VCPKMT: variants seen among roughly 807,000 people sequenced by gnomAD.
The protein encoded by VCPKMT is valosin containing protein lysine methyltransferase, also known as protein N-lysine methyltransferase METTL21D.
A neutral mutation model predicts 28.6 loss-of-function variants in VCPKMT; 32 were observed. The observed-to-expected ratio is 1.12, with a 90% CI of 0.84 to 1.50. The LOEUF (loss-of-function observed/expected upper bound fraction) is 1.50, where lower values mean the gene tolerates loss of function less well. Among genes scored for constraint, VCPKMT ranks in the 40% most tolerant of loss-of-function variants. VCPKMT has a pLI of 0.00. For missense variants in VCPKMT, 366 were observed against 285.0 expected (o/e 1.28, Z -2.05); for synonymous variants, 138 against 111.4 (o/e 1.24, Z -1.50).
rs1034242806 is a variant in VCPKMT at position 50,111,481 on chromosome 14, T to C, written c.675+1134A>G. 6.0e-5 allele frequency: 59 copies of C among 985,278 alleles called. No homozygotes were observed. In the East Asian group the frequency reaches 1.6e-3, roughly 26 times the overall value. The allele number at this position is 985,278 out of a possible 1,614,324, so 61.0% of individuals were successfully genotyped here. On this transcript the variant is annotated intron_variant, in intron 5 of 5. Coordinates refer to ENST00000395860, the MANE Select transcript of VCPKMT (RefSeq NM_024558.3). Reference sequence around the variant, plus strand: ...ACAAACATAATCAAAGCAAAGATGATAGAAAAAGTGTGGGCTTATTGAATC... The same window carrying C: ...ACAAACATAATCAAAGCAAAGATGACAGAAAAAGTGTGGGCTTATTGAATC...
chr14:50,112,644 G>T lies in VCPKMT; in HGVS notation c.646C>A (p.His216Asn). ...TTTTTCTTTCTGATGTATATAATAT[G>T]AATATCTTCACTTCGATACTCTTCA... is the stretch of plus-strand genomic sequence containing the variant. The part of the protein sequence containing the change: ...HDEEYRSEDI[H>N]IIYIRKKKSK... Residue 216 changes from histidine (H) to asparagine (N), a missense_variant, in exon 5 of 6, where the codon CAT becomes AAT. His to Asn is a moderately conservative substitution (Grantham distance 68, BLOSUM62 1). Transcript: ENST00000395860. The T allele has an allele frequency of 6.4e-7, 1 of 1,565,190 alleles. No individual in the cohort carries two copies. The highest frequency in any genetic ancestry group is 8.7e-7 in the Non-Finnish European group (1 of 1,150,968).
downstream of VCPKMT, among the ~76,000 whole-genome samples, chr14:50,106,397 G>A (rs1882320514): frequency 6.6e-6 from 1 of 152,232 alleles, no homozygotes; most frequent in Admixed American, 6.5e-5. Context: ...CTTGGGATTT[G>A]GGAATTAGCT....
rs754698791 is a variant in VCPKMT at position 50,116,167 on chromosome 14, TACA to T, written c.276_278del (p.Val94del). On this transcript the variant is annotated inframe_deletion, in exon 2 of 6. Transcript: ENST00000395860. ...CTTGCAATTCCTCAAGATCGGTGACTACAACATCAGCCCTATAAAATAACGTCG... is the reference window on the plus strand; with the variant it reads ...CTTGCAATTCCTCAAGATCGGTGACTACATCAGCCCTATAAAATAACGTCG... The T allele has an allele frequency of 8.7e-6, 14 of 1,614,110 alleles. No individual in the cohort carries two copies. The highest frequency in any genetic ancestry group is 2.2e-5 in the South Asian group (2 of 91,068).
downstream of VCPKMT, among the ~76,000 whole-genome samples, chr14:50,107,359 G>A (rs1038601334): frequency 1.3e-5 from 2 of 151,742 alleles, no homozygotes; most frequent in Admixed American, 1.3e-4. Context: ...CTGTCACCCA[G>A]GCTGGAGTGC....
At chr14:50,116,262 A>C in intron 1 of VCPKMT, 25 bp downstream of exon 1, 1 of 1,606,310 alleles carries the variant, frequency 6.2e-7, no homozygotes, top group Non-Finnish European at 8.5e-7. Context: ...GCGCCCCCAC[A>C]TCCCGCCCGC....
downstream of VCPKMT, chr14:50,108,532 T>C: frequency 2.3e-6 from 2 of 877,956 alleles, no homozygotes; most frequent in Non-Finnish European, 2.7e-6. Flanking sequence ...AACTGATTTC[T>C]TGACTTGTAT....
At chr14:50,114,517 G>T in intron 3 of VCPKMT, 113 bp from the exon 4 acceptor site, 1 of 718,160 alleles carries the variant, frequency 1.4e-6, no homozygotes, top group Non-Finnish European at 2.1e-6. Context: ...ATCCATCTTT[G>T]AATCAATCCA....
downstream of VCPKMT, chr14:50,106,744 G>T: frequency 1.8e-6 from 1 of 561,230 alleles, no homozygotes; most frequent in Non-Finnish European, 2.3e-6. Flanking sequence ...TTGAGATAGG[G>T]TCTCACTGTC....
intron 5 of VCPKMT, 79 bp from the exon 6 acceptor site, chr14:50,109,792 C>G (rs1037144987): frequency 2.0e-6 from 3 of 1,478,254 alleles, no homozygotes; most frequent in African/African-American, 1.4e-5. Flanking sequence ...GCCTAATATG[C>G]CTCATAATGC....
At chr14:50,112,393 G>A (rs1882738107) in intron 5 of VCPKMT, among the ~76,000 whole-genome samples, 11 of 56,414 alleles carry the variant, frequency 1.9e-4, no homozygotes, top group Admixed American at 2.5e-4. Context: ...TAAAAAATAC[G>A]AGAAAAAAAA....
In VCPKMT at chr14:50,116,374, C is replaced by T. The variant is rs764082803; in HGVS notation, c.179G>A (p.Gly60Asp). 2 of 1,613,650 alleles carry T rather than the reference C, an allele frequency of 1.2e-6. No individual in the cohort carries two copies. Among genetic ancestry groups the T allele is most frequent in the Non-Finnish European group, 1.7e-6 (2 of 1,179,844 alleles). ...SKYLETPEFSGDGAHALSRRS... is the reference protein window; with the variant it reads ...SKYLETPEFSDDGAHALSRRS... ...CCGGCTCAGCGCGTGGGCCCCGTCG[C>T]CAGAAAACTCGGGCGTTTCCAGGTA... The change falls in exon 1 of 6, where the codon GGC (glycine) becomes GAC (aspartate). Residue 60 changes from glycine to aspartate, a missense_variant. Coordinates refer to ENST00000395860, the MANE Select transcript of VCPKMT (RefSeq NM_024558.3).
chr14:50,108,546 T>TA, downstream of VCPKMT: 1 of 918,272 alleles, frequency 1.1e-6, no homozygotes, highest in Non-Finnish European at 1.3e-6. Context: ...CTTGTATCCT[T>TA]AATGTCTCTA....
At chr14:50,106,118 GT>G, downstream of VCPKMT, among the ~76,000 whole-genome samples, 1 of 152,152 alleles carries the variant, frequency 6.6e-6, no homozygotes, top group East Asian at 1.9e-4. Flanking sequence ...TGTTGCAGTG[GT>G]TCTCAATTTA....
At chr14:50,112,072 T>C (rs1277250125) in intron 5 of VCPKMT, 1 of 985,030 alleles carries the variant, frequency 1.0e-6, no homozygotes, top group African/African-American at 1.7e-5. Flanking sequence ...ATCTGCCTTG[T>C]TGTATTTCAT....
chr14:50,103,626 G>T, the VCPKMT span, among the ~76,000 whole-genome samples: 5 of 152,132 alleles, frequency 3.3e-5, no homozygotes, highest in African/African-American at 1.2e-4. Context: ...TCGAATGCTC[G>T]TGGCAGTTGC....
chr14:50,112,720 C>A lies in VCPKMT; in HGVS notation c.571-1G>T. The stretch of plus-strand genomic sequence containing the variant: ...CAAAGTCAAAATCTAGCTGAAGGAG[C>A]TATAAATTTAAAAGAGACATACTTC... On this transcript the variant is annotated splice_acceptor_variant, in intron 4 of 5. Coordinates refer to ENST00000395860, the MANE Select transcript of VCPKMT (RefSeq NM_024558.3). LOFTEE classifies it high-confidence loss of function. 1 of 1,553,576 alleles carries A rather than the reference C, an allele frequency of 6.4e-7. No homozygotes were observed. Among genetic ancestry groups the A allele is most frequent in the Non-Finnish European group, 8.7e-7 (1 of 1,144,238 alleles).
downstream of VCPKMT, chr14:50,108,584 T>G (rs17122134): frequency 1.7e-3 from 1,718 of 985,348 alleles, 47 homozygotes; most frequent in East Asian, 0.08. Flanking sequence ...TCCTGTTAAC[T>G]GTTTAGATGT....
chr14:50,114,422 T>C lies in VCPKMT; in HGVS notation c.451-18A>G, dbSNP rs752334627. ...TCCAAAGACTATTTAAAAAAGAATA[T>C]ATTTTTTGTTTTTGATTTAAAAATT... On this transcript the variant is annotated intron_variant, in intron 3 of 5. Transcript: ENST00000395860. 1.3e-5 allele frequency: 18 copies of C among 1,430,326 alleles called. No homozygotes were observed. The highest frequency in any genetic ancestry group is 3.0e-5 in the Admixed American group (1 of 33,722). 88.6% of individuals were successfully genotyped at this position (1,430,326 alleles called of 1,614,324 possible).
At position 50,112,394 on chromosome 14, in the gene VCPKMT, A is replaced by T. The variant is rs1210896635; in HGVS notation, c.675+221T>A. On this transcript the variant is annotated intron_variant, in intron 5 of 5. Transcript: ENST00000395860. ...AACGTGTCTCTACTTAAAAAATACGAGAAAAAAAAAAAAAAAAAAAAAAAA... is the reference window on the plus strand; with the variant it reads ...AACGTGTCTCTACTTAAAAAATACGTGAAAAAAAAAAAAAAAAAAAAAAAA... 6.5e-4 allele frequency among the ~76,000 whole-genome samples: 22 copies of T among 33,678 alleles called. No individual in the cohort carries two copies. The East Asian group carries it at 0.021, about 33-fold the overall frequency. 22.1% of individuals were successfully genotyped at this position (33,678 alleles called of 152,430 possible).
Sources: gnomAD v4.1 joint callset for allele counts (sites outside exome capture counted in the v4.1 genomes callset) on GRCh38, gnomAD v4.1.1 for gene constraint, MANE v1.5 for transcripts, NCBI Gene and HGNC (gene_info 2026-07-23, HGNC 2026-07-21) for gene names.